Variants in POU2F1 observed in about 807,000 individuals in gnomAD.
POU2F1 encodes the protein POU domain, class 2, transcription factor 1.
Under a neutral mutation model 84.9 loss-of-function variants are expected in POU2F1, and 16 were observed. That is an observed-to-expected ratio of 0.19 (90% CI 0.13 to 0.29). The LOEUF (loss-of-function observed/expected upper bound fraction) is 0.29, where lower values mean the gene tolerates loss of function less well. Ranked by LOEUF, POU2F1 falls within the 10% of genes least tolerant of loss-of-function variation. The pLI is 1.00. For missense variants in POU2F1, 738 were observed against 942.6 expected, an observed-to-expected ratio of 0.78 and a Z score of 2.84; for synonymous variants, 368 against 368.3, an observed-to-expected ratio of 1.00 and a Z score of 0.01.
At chr1:167,320,809 A>T (rs1309234079) in intron 1 of POU2F1, among the ~76,000 whole-genome samples, 1 of 152,200 alleles carries the variant, frequency 6.6e-6, no homozygotes, top group South Asian at 2.1e-4. Context: ...AATTAGCTGT[A>T]ACTCTGCCTC....
At chr1:167,377,743 G>A (rs111312675) in intron 7 of POU2F1, among the ~76,000 whole-genome samples, 3,861 of 152,218 alleles carry the variant, frequency 0.025, 161 homozygotes, top group African/African-American at 0.086. Context: ...ATAGGGATTT[G>A]ATGTACAGAT....
chr1:167,340,262 T>C (rs1402156894), intron 2 of POU2F1, among the ~76,000 whole-genome samples: 1 of 151,568 alleles, frequency 6.6e-6, no homozygotes, highest in African/African-American at 2.4e-5. Flanking sequence ...GTATTTTCAG[T>C]AGAGATGGGG....
chr1:167,251,272 G>A (rs965919911), intron 1 of POU2F1, among the ~76,000 whole-genome samples: 1 of 152,162 alleles, frequency 6.6e-6, no homozygotes, highest in Non-Finnish European at 1.5e-5. Flanking sequence ...GGTAGCAAGC[G>A]CCTGTGGTCC....
At chr1:167,306,095 T>C (rs1655046200) in intron 1 of POU2F1, among the ~76,000 whole-genome samples, 1 of 152,266 alleles carries the variant, frequency 6.6e-6, no homozygotes, top group African/African-American at 2.4e-5. Flanking sequence ...CATCTGCTTT[T>C]GGCAGCAGCA....
chr1:167,283,921 G>A (rs1653344266), intron 1 of POU2F1, among the ~76,000 whole-genome samples: 1 of 152,084 alleles, frequency 6.6e-6, no homozygotes, highest in Non-Finnish European at 1.5e-5. Context: ...TATCCCTACA[G>A]TAAACAAATA....
intron 1 of POU2F1, among the ~76,000 whole-genome samples, chr1:167,236,812 C>T (rs763936647): frequency 1.3e-5 from 2 of 152,176 alleles, no homozygotes; most frequent in Non-Finnish European, 2.9e-5. Flanking sequence ...AAAAATGTTT[C>T]TCTTAGCAGA....
chr1:167,265,864 CAGT>C (rs1651912049), intron 1 of POU2F1, among the ~76,000 whole-genome samples: 1 of 152,190 alleles, frequency 6.6e-6, no homozygotes, highest in South Asian at 2.1e-4. Context: ...TCCAAAATGT[CAGT>C]AGTACTTAGG....
chr1:167,420,290 A>C lies in POU2F1; in HGVS notation c.*4480A>C, dbSNP rs564960774. On this transcript the variant is annotated 3_prime_UTR_variant, in exon 16 of 16. Transcript: ENST00000367866. ...GCAATTCTCCTGCTTCAGCCTCCCA[A>C]GTAGCTGGGATTACAGGCGCCCACC... 3.3e-5 allele frequency: 5 copies of C among 151,736 alleles called. No homozygotes were observed. In the East Asian group the frequency reaches 9.7e-4, roughly 30 times the overall value. 9.4% of individuals were successfully genotyped at this position (151,736 alleles called of 1,614,324 possible).
At chr1:167,384,496 C>T (rs1025534496) in intron 8 of POU2F1, among the ~76,000 whole-genome samples, 2 of 152,040 alleles carry the variant, frequency 1.3e-5, no homozygotes, top group Admixed American at 6.6e-5. Context: ...GTCATTTTAT[C>T]TCTCTGGACC....
intron 1 of POU2F1, among the ~76,000 whole-genome samples, chr1:167,311,852 G>C (rs1247438107): frequency 6.6e-6 from 1 of 150,758 alleles, no homozygotes; most frequent in African/African-American, 2.4e-5. Context: ...GCCTAGGCTG[G>C]AGTGCATTGG....
chr1:167,322,456 G>C (rs977369933), intron 1 of POU2F1, among the ~76,000 whole-genome samples: 2 of 152,254 alleles, frequency 1.3e-5, no homozygotes, highest in African/African-American at 4.8e-5. Context: ...ACAGATTCCT[G>C]TTGGCACTTT....
At chr1:167,313,228 A>T (rs61016161) in intron 1 of POU2F1, among the ~76,000 whole-genome samples, 15,277 of 152,214 alleles carry the variant, frequency 0.1, 1,937 homozygotes, top group African/African-American at 0.3. Context: ...GGATTAGAAG[A>T]TAACATAGGA....
intron 2 of POU2F1, among the ~76,000 whole-genome samples, chr1:167,349,762 G>T (rs1451609562): frequency 6.6e-6 from 1 of 152,110 alleles, no homozygotes; most frequent in Non-Finnish European, 1.5e-5. Flanking sequence ...GTTCTCATTT[G>T]TTGTTGTTTT....
intron 13 of POU2F1, among the ~76,000 whole-genome samples, chr1:167,405,746 G>A (rs1444417373): frequency 6.6e-6 from 1 of 152,124 alleles, no homozygotes; most frequent in Non-Finnish European, 1.5e-5. Context: ...CAACCAACTT[G>A]TTCTAACTGC....
intron 1 of POU2F1, among the ~76,000 whole-genome samples, chr1:167,259,258 A>G (rs931804597): frequency 4.6e-5 from 7 of 152,180 alleles, no homozygotes; most frequent in Admixed American, 1.3e-4. Context: ...TAGTAACATC[A>G]TTTTTATTGC....
At chr1:167,329,181 G>C in intron 1 of POU2F1, 4 of 1,504,650 alleles carry the variant, frequency 2.7e-6, no homozygotes, top group Non-Finnish European at 3.6e-6. Context: ...ACATACTGTA[G>C]ATTTGTTAGA....
chr1:167,223,711 A>G (rs1423718305), intron 1 of POU2F1, among the ~76,000 whole-genome samples: 1 of 152,174 alleles, frequency 6.6e-6, no homozygotes, highest in Non-Finnish European at 1.5e-5. Context: ...CACAGTAGGC[A>G]GGCCCTGAAT....
intron 1 of POU2F1, among the ~76,000 whole-genome samples, chr1:167,246,898 C>T (rs1036333775): frequency 2.0e-5 from 3 of 151,994 alleles, no homozygotes; most frequent in African/African-American, 7.2e-5. Context: ...ATGAAACTGA[C>T]CCAGTAATCC....
rs923070529 is a variant in POU2F1, at chr1:167,416,722, C to T, written c.*912C>T. 2 of 152,338 alleles carry T rather than the reference C, an allele frequency of 1.3e-5. No homozygotes were observed. Among genetic ancestry groups the T allele is most frequent in the Admixed American group, 1.3e-4 (2 of 15,282 alleles). The allele number at this position is 152,338 out of a possible 1,614,324, so 9.4% of individuals were successfully genotyped here. A position where few individuals can be genotyped will look rare whatever the true frequency, so the allele number is the denominator to read the frequency against. On this transcript the variant is annotated 3_prime_UTR_variant, in exon 16 of 16. Transcript: ENST00000367866. ...GAGCACTTTTGTGTAGGAAGGAATTCCTGCTGAACTGTAGCTCTCACTCAC... is the reference window on the plus strand; with the variant it reads ...GAGCACTTTTGTGTAGGAAGGAATTTCTGCTGAACTGTAGCTCTCACTCAC...
Sources: allele counts gnomAD v4.1 joint callset (sites outside exome capture counted in the v4.1 genomes callset), GRCh38; gene constraint gnomAD v4.1.1; transcripts MANE v1.5; gene names NCBI Gene and HGNC (gene_info 2026-07-23, HGNC 2026-07-21).